The following DPP6 variants were observed in gnomAD, a reference collection of about 807,000 sequenced individuals.
The protein encoded by DPP6 is A-type potassium channel modulatory protein DPP6.
In DPP6, 69 loss-of-function variants were observed where a neutral mutation model predicts 122.6. The observed-to-expected ratio is 0.56, with a 90% CI of 0.46 to 0.69. The LOEUF is 0.69. Among genes scored for constraint, DPP6 ranks in the 30% least tolerant of loss-of-function variants. The pLI is 0.00. For missense variants in DPP6, 928 were observed against 1,116.9 expected, an observed-to-expected ratio of 0.83 and a Z score of 2.41; for synonymous variants, 418 against 433.1, an observed-to-expected ratio of 0.97 and a Z score of 0.43.
the DPP6 span, among the ~76,000 whole-genome samples, chr7:153,865,987 A>AT: frequency 6.6e-6 from 1 of 151,976 alleles, no homozygotes; most frequent in African/African-American, 2.4e-5. Flanking sequence ...TGAACCCATC[A>AT]TTTTTTATGG....
chr7:154,197,264 T>C (rs1798917549), intron 1 of DPP6, among the ~76,000 whole-genome samples: 1 of 151,138 alleles, frequency 6.6e-6, no homozygotes, highest in African/African-American at 2.4e-5. Flanking sequence ...ATACAGAGAG[T>C]GATGATTTAT....
the DPP6 span, among the ~76,000 whole-genome samples, chr7:153,825,594 CTG>C: frequency 6.6e-6 from 1 of 151,958 alleles, no homozygotes; most frequent in South Asian, 2.1e-4. Context: ...ACATCTCACT[CTG>C]TTGCTCAAGC....
chr7:154,140,696 C>T (rs990505895), intron 1 of DPP6, among the ~76,000 whole-genome samples: 11 of 152,138 alleles, frequency 7.2e-5, no homozygotes, highest in Non-Finnish European at 4.4e-5. Context: ...AATTATATAC[C>T]TAACATGATC....
At chr7:154,730,907 T>A (rs1305002893) in intron 8 of DPP6, among the ~76,000 whole-genome samples, 2 of 152,270 alleles carry the variant, frequency 1.3e-5, no homozygotes, top group Non-Finnish European at 2.9e-5. Context: ...CTTTAGCAAA[T>A]CCATTGAAAG....
At chr7:154,668,197 T>TATATATA (rs1838288618) in intron 6 of DPP6, among the ~76,000 whole-genome samples, 2 of 36,476 alleles carry the variant, frequency 5.5e-5, no homozygotes, top group Non-Finnish European at 7.7e-5. Context: ...TGTGTATATT[T>TATATATA]TATATATATA....
chr7:153,875,465 C>T, the DPP6 span, among the ~76,000 whole-genome samples: 2 of 151,658 alleles, frequency 1.3e-5, no homozygotes, highest in South Asian at 4.2e-4. Flanking sequence ...ATTGATTGTA[C>T]AAAACAATGA....
the DPP6 span, among the ~76,000 whole-genome samples, chr7:153,856,797 G>T: frequency 6.6e-6 from 1 of 152,148 alleles, no homozygotes; most frequent in Non-Finnish European, 1.5e-5. Flanking sequence ...TTTCAGGATC[G>T]CCAAGGGCTT....
chr7:154,676,650 C>T (rs1370619702), intron 7 of DPP6, among the ~76,000 whole-genome samples: 1 of 152,358 alleles, frequency 6.6e-6, no homozygotes, highest in Non-Finnish European at 1.5e-5. Flanking sequence ...CTAAGCCACA[C>T]CTCAGTGTGA....
intron 2 of DPP6, among the ~76,000 whole-genome samples, chr7:154,460,872 G>T (rs1056031020): frequency 6.6e-6 from 1 of 152,074 alleles, no homozygotes; most frequent in African/African-American, 2.4e-5. Flanking sequence ...TACTCTTTTA[G>T]TTATTTAAAA....
chr7:153,790,573 A>T, the DPP6 span, among the ~76,000 whole-genome samples: 1 of 152,296 alleles, frequency 6.6e-6, no homozygotes, highest in Admixed American at 6.5e-5. Flanking sequence ...AGGTTAGCAA[A>T]TATTGAATGC....
chr7:154,668,337 C>T (rs1838328391), intron 6 of DPP6, among the ~76,000 whole-genome samples: 2 of 150,050 alleles, frequency 1.3e-5, no homozygotes, highest in Admixed American at 6.7e-5. Context: ...TCTCCTGCCT[C>T]AGCCTCCCAA....
chr7:153,875,538 A>G, the DPP6 span, among the ~76,000 whole-genome samples: 1 of 152,096 alleles, frequency 6.6e-6, no homozygotes, highest in Non-Finnish European at 1.5e-5. Flanking sequence ...ACTTTGTTAA[A>G]TAATATTTGA....
intron 1 of DPP6, among the ~76,000 whole-genome samples, chr7:154,060,807 AC>A (rs1442236145): frequency 2.6e-5 from 2 of 75,866 alleles, no homozygotes; most frequent in African/African-American, 1.5e-4. Flanking sequence ...AGGGGGACGC[AC>A]CCCCCATGAG....
chr7:154,683,955 A>G (rs373338094), intron 7 of DPP6, among the ~76,000 whole-genome samples: 3 of 151,970 alleles, frequency 2.0e-5, no homozygotes, highest in Non-Finnish European at 2.9e-5. Context: ...TGCAGCCTCA[A>G]CCTCCTTGGC....
intron 1 of DPP6, among the ~76,000 whole-genome samples, chr7:154,366,134 G>C (rs1040736793): frequency 6.6e-6 from 1 of 152,078 alleles, no homozygotes; most frequent in Admixed American, 6.6e-5. Context: ...GAGCAAAATT[G>C]CTGAGGCTGA....
In DPP6 at chr7:154,241,125, C is replaced by T. The variant is rs1400426336; in HGVS notation, c.243+188062C>T. On this transcript the variant is annotated intron_variant, in intron 1 of 25. Transcript: ENST00000377770. This position sits in a 1 kb window ranked among gnomAD's most constrained non-coding sequence, Gnocchi z 9.0. ...TACCATGTAACCACATACTGCTTTG[C>T]ACCAATGATTGGGCACAAATATAAA... 2.0e-5 allele frequency among the ~76,000 whole-genome samples: 3 copies of T among 151,472 alleles called. No individual in the cohort carries two copies. The highest frequency in any genetic ancestry group is 7.3e-5 in the African/African-American group (3 of 41,210).
intron 1 of DPP6, among the ~76,000 whole-genome samples, chr7:154,175,463 C>T (rs751446688): frequency 1.3e-5 from 2 of 152,054 alleles, no homozygotes; most frequent in Non-Finnish European, 2.9e-5. Flanking sequence ...GGTTTTCCCC[C>T]CACCCCACCC....
rs989937028 is a variant in DPP6 at position 154,833,630 on chromosome 7, G to A, written c.1667-20150G>A. Among the ~76,000 whole-genome samples the A allele has an allele frequency of 2.0e-5, 3 of 152,154 alleles. No individual in the cohort carries two copies. The highest frequency in any genetic ancestry group is 1.3e-4 in the Admixed American group (2 of 15,280). ...GCTCCGACTCTGACTCCGTATCTCA[G>A]AGGTGGGGGGCTCTGGTCATTTGCA... On this transcript the variant is annotated intron_variant, in intron 16 of 25. Transcript: ENST00000377770. This position sits in a 1 kb window ranked among gnomAD's most constrained non-coding sequence, Gnocchi z 4.3.
rs189114383 is a variant in DPP6, at chr7:154,175,940, G to A, written c.243+122877G>A. ...TGACCTCAAGTGACCCACCCACCTC[G>A]GCCTCCCAAAGTTCTGGGATTACAG... On this transcript the variant is annotated intron_variant, in intron 1 of 25. Transcript: ENST00000377770. Among the ~76,000 whole-genome samples the A allele has an allele frequency of 9.8e-4, 149 of 152,050 alleles. 1 individual carries two copies. Among genetic ancestry groups the A allele is most frequent in the African/African-American group, 3.5e-3 (144 of 41,486 alleles).
Sources: gnomAD v4.1 joint callset for allele counts (sites outside exome capture counted in the v4.1 genomes callset) on GRCh38, gnomAD v4.1.1 for gene constraint, Gnocchi (gnomAD v3.1) non-coding constraint, MANE v1.5 for transcripts, NCBI Gene and HGNC (gene_info 2026-07-23, HGNC 2026-07-21) for gene names.